The following INVS variants were observed in gnomAD, a reference collection of about 807,000 sequenced individuals.
INVS encodes inversin.
In INVS, 86 loss-of-function variants were observed where a neutral mutation model predicts 108.8. The ratio of observed to expected loss-of-function variants is 0.79; its 90% CI spans 0.66 to 0.95. The LOEUF (loss-of-function observed/expected upper bound fraction) is 0.95. INVS is among the 40% of genes least tolerant of loss of function. INVS has a pLI of 0.00. For synonymous variants in INVS, 455 were observed against 473.5 expected, an observed-to-expected ratio of 0.96 and a Z score of 0.51; for missense variants, 1,169 against 1,297.4, an observed-to-expected ratio of 0.90 and a Z score of 1.52.
At chr9:100,262,302 C>G (rs968772390) in intron 10 of INVS, among the ~76,000 whole-genome samples, 2 of 151,296 alleles carry the variant, frequency 1.3e-5, no homozygotes, top group Non-Finnish European at 2.9e-5. Context: ...ATTGGTATTA[C>G]TTCTTCCTTA....
At chr9:100,122,280 C>T (rs916600119) in intron 2 of INVS, among the ~76,000 whole-genome samples, 3 of 152,052 alleles carry the variant, frequency 2.0e-5, no homozygotes, top group African/African-American at 7.2e-5. Flanking sequence ...TTGAAGTTAC[C>T]AATTATAATT....
chr9:100,238,836 A>G, intron 5 of INVS, among the ~76,000 whole-genome samples: 1 of 152,240 alleles, frequency 6.6e-6, no homozygotes, highest in East Asian at 1.9e-4. Flanking sequence ...CTTGCTATAA[A>G]GATCCAGTAG....
At chr9:100,262,638 T>TAAAAAAA (rs58650063) in intron 10 of INVS, among the ~76,000 whole-genome samples, 1 of 116,484 alleles carries the variant, frequency 8.6e-6, no homozygotes, top group African/African-American at 3.3e-5. Context: ...CCTGGAGCAC[T>TAAAAAAA]AAAAAAAAAA....
intron 3 of INVS, among the ~76,000 whole-genome samples, chr9:100,141,941 G>A (rs1248420078): frequency 2.0e-5 from 3 of 152,186 alleles, no homozygotes; most frequent in African/African-American, 7.2e-5. Flanking sequence ...GCCTTCTGTG[G>A]GAAGAGATTG....
chr9:100,293,208 C>CATTGT, intron 14 of INVS, among the ~76,000 whole-genome samples, 165 bp downstream of exon 14: 1 of 152,290 alleles, frequency 6.6e-6, no homozygotes, highest in East Asian at 1.9e-4. Flanking sequence ...TAGTAATTTA[C>CATTGT]ATTGTATAAA....
At chr9:100,149,759 G>A (rs552725749) in intron 3 of INVS, among the ~76,000 whole-genome samples, 4 of 151,962 alleles carry the variant, frequency 2.6e-5, no homozygotes, top group East Asian at 3.9e-4. Context: ...GATTGAAATC[G>A]CCACTTTGAA....
At chr9:100,159,561 T>C (rs952627144) in intron 3 of INVS, among the ~76,000 whole-genome samples, 1 of 152,226 alleles carries the variant, frequency 6.6e-6, no homozygotes, top group African/African-American at 2.4e-5. Flanking sequence ...AATTACCTCC[T>C]ATTTGCTAGA....
At chr9:100,244,929 A>T (rs1449370068) in intron 7 of INVS, among the ~76,000 whole-genome samples, 4 of 152,202 alleles carry the variant, frequency 2.6e-5, no homozygotes, top group Non-Finnish European at 5.9e-5. Flanking sequence ...CTGTGATTTA[A>T]CCCTGGATTC....
At position 100,140,236 on chromosome 9, in the gene INVS, CTATT is replaced by C. The variant is rs560148207; in HGVS notation, c.273+13693_273+13696del. On this transcript the variant is annotated intron_variant, in intron 3 of 16. Transcript: ENST00000262457. Reference sequence around the variant, plus strand: ...AACAGGCTTTGTGTGAGCAACAAGGCTATTTATTTCACCTGGGTGCAGGCGGGCT... The same window carrying C: ...AACAGGCTTTGTGTGAGCAACAAGGCTATTTCACCTGGGTGCAGGCGGGCT... 2.2e-3 allele frequency among the ~76,000 whole-genome samples: 334 copies of C among 152,244 alleles called. 1 individual carries two copies. Among genetic ancestry groups the C allele is most frequent in the African/African-American group, 7.5e-3 (313 of 41,540 alleles).
chr9:100,186,677 A>G (rs1171674048), intron 3 of INVS, among the ~76,000 whole-genome samples: 1 of 151,482 alleles, frequency 6.6e-6, no homozygotes, highest in Non-Finnish European at 1.5e-5. Flanking sequence ...TGAGATGTCT[A>G]TTCATGTCAT....
chr9:100,249,977 C>T (rs992943685), intron 8 of INVS, among the ~76,000 whole-genome samples: 3 of 151,706 alleles, frequency 2.0e-5, no homozygotes, highest in African/African-American at 4.8e-5. Context: ...TGGTGGTACA[C>T]GCCTATAATC....
At chr9:100,257,946 T>C (rs147957236) in intron 10 of INVS, among the ~76,000 whole-genome samples, 79 of 152,340 alleles carry the variant, frequency 5.2e-4, no homozygotes, top group African/African-American at 1.8e-3. Context: ...TGAATTTGAA[T>C]GTTGGCCTGC....
intron 2 of INVS, among the ~76,000 whole-genome samples, chr9:100,111,289 A>G (rs980175165): frequency 4.6e-5 from 7 of 152,260 alleles, no homozygotes; most frequent in East Asian, 1.9e-4. Flanking sequence ...GACTAGCACA[A>G]CTATAACTGC....
chr9:100,269,685 AATC>A (rs2118652259), intron 11 of INVS, among the ~76,000 whole-genome samples: 1 of 152,294 alleles, frequency 6.6e-6, no homozygotes, highest in South Asian at 2.1e-4. Flanking sequence ...GCATCCATAT[AATC>A]ATCCTTTTTT....
chr9:100,180,316 C>T (rs1829849721), intron 3 of INVS, among the ~76,000 whole-genome samples: 1 of 147,850 alleles, frequency 6.8e-6, no homozygotes, highest in African/African-American at 2.5e-5. Flanking sequence ...ACGAAAAACC[C>T]TTCAAAAAAT....
intron 3 of INVS, among the ~76,000 whole-genome samples, chr9:100,156,787 T>C (rs1014813547): frequency 6.6e-6 from 1 of 151,416 alleles, no homozygotes; most frequent in Non-Finnish European, 1.5e-5. Context: ...ATATATGCTC[T>C]TGTGCTTCAG....
intron 1 of INVS, among the ~76,000 whole-genome samples, chr9:100,100,912 T>TATATATATTATATATGTATATATAA (rs1564112207): frequency 5.1e-5 from 1 of 19,798 alleles, no homozygotes; most frequent in African/African-American, 4.1e-4. Context: ...TGTATATATA[T>TATATATATTATATATGTATATATAA]TATATGTATA....
chr9:100,229,027 G>C (rs1375956111), intron 4 of INVS, among the ~76,000 whole-genome samples: 2 of 152,178 alleles, frequency 1.3e-5, no homozygotes, highest in African/African-American at 2.4e-5. Flanking sequence ...AATTTTTGCA[G>C]TTTGGTATGC....
chr9:100,221,730 C>G (rs1831157871), intron 3 of INVS, among the ~76,000 whole-genome samples: 1 of 151,888 alleles, frequency 6.6e-6, no homozygotes, highest in Non-Finnish European at 1.5e-5. Flanking sequence ...TCCCCATTAT[C>G]CACGGTTTTG....
Sources: allele counts gnomAD v4.1 joint callset (sites outside exome capture counted in the v4.1 genomes callset), GRCh38; gene constraint gnomAD v4.1.1; transcripts MANE v1.5; gene names NCBI Gene and HGNC (gene_info 2026-07-23, HGNC 2026-07-21).